SORCS3: variants seen among roughly 807,000 people sequenced by gnomAD.
The protein encoded by SORCS3 is sortilin related VPS10 domain containing receptor 3.
In SORCS3, 57 loss-of-function variants were observed where a neutral mutation model predicts 146.3. The observed-to-expected ratio is 0.39, with a 90% CI of 0.31 to 0.49. The LOEUF (loss-of-function observed/expected upper bound fraction) is 0.49. Among genes scored for constraint, SORCS3 ranks in the 20% least tolerant of loss-of-function variants. SORCS3 has a pLI of 0.92. For missense variants in SORCS3, 1,341 were observed against 1,575.5 expected (o/e 0.85, Z 2.52); for synonymous variants, 653 against 618.5 (o/e 1.06, Z -0.83).
intron 5 of SORCS3, among the ~76,000 whole-genome samples, chr10:105,072,046 A>G (rs912067100): frequency 6.6e-6 from 1 of 152,204 alleles, no homozygotes; most frequent in Non-Finnish European, 1.5e-5. Flanking sequence ...GGGCAGAAGT[A>G]TCAGCATTTT....
intron 4 of SORCS3, among the ~76,000 whole-genome samples, chr10:104,997,505 C>G (rs1163018615): frequency 6.6e-6 from 1 of 152,132 alleles, no homozygotes; most frequent in Non-Finnish European, 1.5e-5. Flanking sequence ...GACTCTAAAC[C>G]TCTGCTGTTA....
intron 3 of SORCS3, among the ~76,000 whole-genome samples, chr10:104,940,238 A>ATATATATATATAT (rs1435205868): frequency 0.017 from 542 of 31,228 alleles, 3 homozygotes; most frequent in Non-Finnish European, 0.025. Context: ...ATATATATAT[A>ATATATATATATAT]TTTTTTTTTT....
chr10:105,015,482 A>G (rs1049352410), intron 4 of SORCS3, among the ~76,000 whole-genome samples: 3 of 151,802 alleles, frequency 2.0e-5, no homozygotes, highest in Non-Finnish European at 4.4e-5. Context: ...TAGAAAAACA[A>G]TCCTGAATGG....
intron 6 of SORCS3, among the ~76,000 whole-genome samples, chr10:105,097,459 G>A (rs937459271): frequency 5.3e-5 from 8 of 152,158 alleles, no homozygotes; most frequent in Middle Eastern, 3.4e-3. Context: ...GTCACAGACC[G>A]ACAGACAGAA....
intron 20 of SORCS3, among the ~76,000 whole-genome samples, chr10:105,234,369 G>A (rs1398134117): frequency 1.3e-5 from 2 of 151,640 alleles, no homozygotes; most frequent in African/African-American, 2.4e-5. Context: ...AGATTTTTCA[G>A]CATTTATCTG....
At chr10:105,115,210 TCA>T (rs1268347728) in intron 7 of SORCS3, among the ~76,000 whole-genome samples, 2 of 152,170 alleles carry the variant, frequency 1.3e-5, no homozygotes, top group Non-Finnish European at 2.9e-5. Context: ...ACTTAAACTC[TCA>T]GAGTACTAAT....
intron 1 of SORCS3, among the ~76,000 whole-genome samples, chr10:104,723,775 T>G (rs2016583466): frequency 1.3e-5 from 2 of 152,240 alleles, no homozygotes; most frequent in African/African-American, 4.8e-5. Context: ...GAAGTCTGTT[T>G]TATCAGAGAC....
chr10:104,738,703 A>G (rs1445982021), intron 1 of SORCS3, among the ~76,000 whole-genome samples: 3 of 152,214 alleles, frequency 2.0e-5, no homozygotes, highest in African/African-American at 7.2e-5. Context: ...GACCTTGGGA[A>G]ATGAAATGGC....
chr10:104,641,494 T>C lies in SORCS3; in HGVS notation c.167T>C (p.Leu56Ser), dbSNP rs1360664849. Residue 56 changes from leucine (L) to serine (S), a missense_variant, in exon 1 of 27, where the codon TTG (leucine) becomes TCG (serine). Leu to Ser is a moderately radical substitution (Grantham distance 145). Transcript: ENST00000369701. This position sits in a 1 kb window ranked among gnomAD's most constrained non-coding sequence, Gnocchi z 6.4. ...GCCCCGGCTTCGCGGCCACCGGCGT[T>C]GTCTCCACTCTCGCCGCGGGCAGTG... ...PAAPASRPPA[L>S]SPLSPRAVAS... 3 of 1,471,846 alleles carry C rather than the reference T, an allele frequency of 2.0e-6. No individual in the cohort carries two copies. Among genetic ancestry groups the C allele is most frequent in the African/African-American group, 1.5e-5 (1 of 67,960 alleles). The allele number at this position is 1,471,846 out of a possible 1,614,324, so 91.2% of individuals were successfully genotyped here.
chr10:105,221,031 A>G (rs892299388), intron 19 of SORCS3, among the ~76,000 whole-genome samples: 7 of 152,192 alleles, frequency 4.6e-5, no homozygotes, highest in East Asian at 1.9e-4. Flanking sequence ...TTAGGCAGAA[A>G]GCATTCTCAC....
At chr10:104,738,872 T>C (rs576310415) in intron 1 of SORCS3, among the ~76,000 whole-genome samples, 1 of 152,266 alleles carries the variant, frequency 6.6e-6, no homozygotes, top group South Asian at 2.1e-4. Flanking sequence ...TCCCTGCCAA[T>C]ACCCACAGGT....
At chr10:104,823,755 A>G (rs1278473984) in intron 1 of SORCS3, among the ~76,000 whole-genome samples, 2 of 152,212 alleles carry the variant, frequency 1.3e-5, no homozygotes, top group Non-Finnish European at 2.9e-5. Context: ...TGATCTCTAG[A>G]ACCTGTGGAT....
At chr10:104,794,621 G>A (rs1007759411) in intron 1 of SORCS3, among the ~76,000 whole-genome samples, 2 of 90,402 alleles carry the variant, frequency 2.2e-5, no homozygotes, top group African/African-American at 1.1e-4. Flanking sequence ...GAGAGAGGGA[G>A]GGAGAGAGAG....
At chr10:104,761,069 C>T (rs1293183401) in intron 1 of SORCS3, among the ~76,000 whole-genome samples, 8 of 152,138 alleles carry the variant, frequency 5.3e-5, no homozygotes, top group African/African-American at 1.4e-4. Context: ...ATCCTACCTC[C>T]TTGAATGATG....
At chr10:104,682,095 T>C (rs912330728) in intron 1 of SORCS3, among the ~76,000 whole-genome samples, 1 of 152,208 alleles carries the variant, frequency 6.6e-6, no homozygotes, top group Non-Finnish European at 1.5e-5. Flanking sequence ...GGGAGTATTA[T>C]AGAGGTGGGG....
intron 3 of SORCS3, among the ~76,000 whole-genome samples, chr10:104,977,065 A>T (rs150534284): frequency 0.011 from 1,674 of 152,110 alleles, 29 homozygotes; most frequent in African/African-American, 0.039. Flanking sequence ...ATAATAATAA[A>T]AAAAAAAAAG....
At chr10:105,122,394 C>T (rs2055939941) in intron 7 of SORCS3, among the ~76,000 whole-genome samples, 1 of 152,136 alleles carries the variant, frequency 6.6e-6, no homozygotes, top group Non-Finnish European at 1.5e-5. Context: ...AGAATAAGGA[C>T]TTCTTGGAGT....
chr10:104,947,519 C>T (rs1166850899), intron 3 of SORCS3, among the ~76,000 whole-genome samples: 3 of 152,078 alleles, frequency 2.0e-5, no homozygotes, highest in Non-Finnish European at 2.9e-5. Context: ...CGAGGCTGAC[C>T]GGTGCTGCAG....
intron 5 of SORCS3, among the ~76,000 whole-genome samples, chr10:105,078,294 C>T (rs1351544060): frequency 6.6e-6 from 1 of 152,026 alleles, no homozygotes; most frequent in Non-Finnish European, 1.5e-5. Flanking sequence ...AAGAAATGCA[C>T]AGGGAGGCAC....
Sources: gnomAD v4.1 joint callset for allele counts (sites outside exome capture counted in the v4.1 genomes callset) on GRCh38, gnomAD v4.1.1 for gene constraint, Gnocchi (gnomAD v3.1) non-coding constraint, MANE v1.5 for transcripts, NCBI Gene and HGNC (gene_info 2026-07-23, HGNC 2026-07-21) for gene names.